AGBL4: variants seen among roughly 807,000 people sequenced by gnomAD.
AGBL4 encodes the protein AGBL carboxypeptidase 4.
In AGBL4, 58 loss-of-function variants were observed where a neutral mutation model predicts 66.4. The ratio of observed to expected loss-of-function variants is 0.87; its 90% CI spans 0.71 to 1.09. The LOEUF is 1.09. AGBL4 is among the 50% of genes least tolerant of loss of function. AGBL4 has a pLI of 0.00. For synonymous variants in AGBL4, 234 were observed against 222.9 expected (o/e 1.05, Z -0.44); for missense variants, 579 against 631.0 (o/e 0.92, Z 0.88).
At chr1:49,092,548 T>C (rs1293225314) in intron 4 of AGBL4, among the ~76,000 whole-genome samples, 1 of 152,160 alleles carries the variant, frequency 6.6e-6, no homozygotes, top group South Asian at 2.1e-4. Context: ...TTTATGGTTA[T>C]TGTAGAGATT....
At chr1:49,144,548 C>T (rs1646180224) in intron 4 of AGBL4, among the ~76,000 whole-genome samples, 1 of 151,774 alleles carries the variant, frequency 6.6e-6, no homozygotes, top group Non-Finnish European at 1.5e-5. Context: ...CACACACACA[C>T]ACACACACTC....
intron 4 of AGBL4, among the ~76,000 whole-genome samples, chr1:49,134,951 T>C (rs775466822): frequency 1.3e-5 from 2 of 152,100 alleles, no homozygotes; most frequent in African/African-American, 4.8e-5. Context: ...TCCCACAACA[T>C]ATATGTATAT....
chr1:49,995,201 G>A, intron 1 of AGBL4: 1 of 456,240 alleles, frequency 2.2e-6, no homozygotes, highest in Non-Finnish European at 4.4e-6. Context: ...AGGTGGGGAG[G>A]CACAAATCCT....
chr1:48,612,241 G>A (rs1007542147), intron 9 of AGBL4, among the ~76,000 whole-genome samples: 6 of 152,246 alleles, frequency 3.9e-5, no homozygotes, highest in African/African-American at 1.4e-4. Context: ...TACGCTAGGT[G>A]CTGGTATCAA....
chr1:49,183,402 C>T (rs1349693800), intron 4 of AGBL4, among the ~76,000 whole-genome samples: 1 of 152,132 alleles, frequency 6.6e-6, no homozygotes, highest in African/African-American at 2.4e-5. Flanking sequence ...ATTACCGTAG[C>T]AATTGGTCTC....
At chr1:49,269,214 A>G (rs1359660645) in intron 3 of AGBL4, 1 of 152,206 alleles carries the variant, frequency 6.6e-6, no homozygotes, top group East Asian at 1.9e-4. Context: ...CAGCAGATTA[A>G]TCTACAGTTG....
intron 2 of AGBL4, among the ~76,000 whole-genome samples, chr1:49,704,598 T>G (rs1248491358): frequency 6.6e-6 from 1 of 152,152 alleles, no homozygotes; most frequent in African/African-American, 2.4e-5. Flanking sequence ...CTTGAGCTAA[T>G]TTTTGTATAA....
At chr1:50,019,716 T>C (rs1460296776) in intron 1 of AGBL4, among the ~76,000 whole-genome samples, 2 of 151,908 alleles carry the variant, frequency 1.3e-5, no homozygotes, top group African/African-American at 4.8e-5. Context: ...CTTGACAAAA[T>C]AGAAAAACAA....
At chr1:48,871,759 A>G (rs1648698974) in intron 5 of AGBL4, among the ~76,000 whole-genome samples, 1 of 152,104 alleles carries the variant, frequency 6.6e-6, no homozygotes, top group African/African-American at 2.4e-5. Flanking sequence ...CAGAGTGTCT[A>G]TAGTGGATGC....
intron 5 of AGBL4, among the ~76,000 whole-genome samples, chr1:49,006,000 CA>C (rs954918081): frequency 9.4e-4 from 131 of 140,096 alleles, no homozygotes; most frequent in African/African-American, 9.7e-4. Context: ...GACTCCGTCT[CA>C]AAAAAAAAAA....
intron 1 of AGBL4, among the ~76,000 whole-genome samples, chr1:49,953,489 A>G (rs1656332079): frequency 1.3e-5 from 2 of 151,964 alleles, no homozygotes; most frequent in African/African-American, 2.4e-5. Context: ...TAGAAATTTT[A>G]TTTTTTTAAT....
rs745772850 is a variant in AGBL4 at position 49,971,907 on chromosome 1, GTTT to G, written c.34+51853_34+51855del. On this transcript the variant is annotated intron_variant, in intron 1 of 13. Transcript: ENST00000371839. Reference sequence around the variant, plus strand: ...AAGTACAAGTGCAGGGTTTTTTTGGGTTTTTTTTTTTTTTTTTTTTTTTTTGCA... The same window carrying G: ...AAGTACAAGTGCAGGGTTTTTTTGGGTTTTTTTTTTTTTTTTTTTTTTGCA... Among the ~76,000 whole-genome samples the G allele has an allele frequency of 3.7e-3, 87 of 23,442 alleles. 3 individuals carry two copies. Among genetic ancestry groups the G allele is most frequent in the African/African-American group, 9.1e-3 (68 of 7,440 alleles). 15.4% of individuals were successfully genotyped at this position (23,442 alleles called of 152,430 possible).
intron 3 of AGBL4, among the ~76,000 whole-genome samples, chr1:49,314,634 T>A (rs1645005575): frequency 1.3e-5 from 2 of 152,166 alleles, no homozygotes; most frequent in South Asian, 2.1e-4. Flanking sequence ...CTATCATTGA[T>A]GAGCATTTTG....
intron 3 of AGBL4, among the ~76,000 whole-genome samples, chr1:49,433,510 C>T (rs892076850): frequency 6.6e-6 from 1 of 152,090 alleles, no homozygotes; most frequent in Non-Finnish European, 1.5e-5. Context: ...AGAATAGGAA[C>T]ACACTTTAGT....
In AGBL4 at chr1:49,033,716, A is replaced by G. The variant is rs1050853363; in HGVS notation, c.594+11868T>C. Among the ~76,000 whole-genome samples the G allele has an allele frequency of 5.3e-5, 8 of 151,730 alleles. No individual in the cohort carries two copies. In the East Asian group the frequency reaches 7.7e-4, roughly 15 times the overall value. ...TTCCAGATATCTTTACATTTGCTCAATCTGCTCCTCTTCCTCCTTATCCTG... is the reference window on the plus strand; with the variant it reads ...TTCCAGATATCTTTACATTTGCTCAGTCTGCTCCTCTTCCTCCTTATCCTG... On this transcript the variant is annotated intron_variant, in intron 5 of 13. Transcript: ENST00000371839.
intron 6 of AGBL4, among the ~76,000 whole-genome samples, chr1:48,705,251 G>A (rs189694307): frequency 6.6e-6 from 1 of 151,974 alleles, no homozygotes; most frequent in East Asian, 1.9e-4. Context: ...AAAACATTAA[G>A]AGCAAAAAAT....
chr1:49,588,221 C>T (rs1644687320), intron 3 of AGBL4, among the ~76,000 whole-genome samples: 1 of 152,176 alleles, frequency 6.6e-6, no homozygotes, highest in Non-Finnish European at 1.5e-5. Context: ...GGCAATGCTT[C>T]CTCAGTTATA....
chr1:49,891,600 G>C (rs929733794), intron 1 of AGBL4, among the ~76,000 whole-genome samples: 1 of 152,216 alleles, frequency 6.6e-6, no homozygotes, highest in Non-Finnish European at 1.5e-5. Flanking sequence ...GCTTGAAAGT[G>C]AAACCTGATA....
intron 1 of AGBL4, among the ~76,000 whole-genome samples, chr1:50,006,919 A>G (rs1661170754): frequency 6.6e-6 from 1 of 152,188 alleles, no homozygotes; most frequent in Non-Finnish European, 1.5e-5. Context: ...CACAAAAGAC[A>G]TAGAATATTT....
Sources: gnomAD v4.1 joint callset for allele counts (sites outside exome capture counted in the v4.1 genomes callset) on GRCh38, gnomAD v4.1.1 for gene constraint, MANE v1.5 for transcripts, NCBI Gene and HGNC (gene_info 2026-07-23, HGNC 2026-07-21) for gene names.